IGBP1: variants seen among roughly 807,000 people sequenced by gnomAD.
IGBP1 encodes immunoglobulin-binding protein 1.
In IGBP1, 2 loss-of-function variants were observed where a neutral mutation model predicts 25.9. The ratio of observed to expected loss-of-function variants is 0.08; its 90% CI spans 0.03 to 0.24. IGBP1 has a LOEUF of 0.24. IGBP1 is among the 10% of genes least tolerant of loss of function. IGBP1 has a pLI of 1.00. For missense variants in IGBP1, 187 were observed against 260.4 expected, an observed-to-expected ratio of 0.72 and a Z score of 1.94; for synonymous variants, 96 against 93.4, an observed-to-expected ratio of 1.03 and a Z score of -0.16.
In IGBP1 at chrX:70,148,799, A is replaced by C; in HGVS notation, c.717A>C (p.Pro239=). 1 of 1,206,650 alleles carries C rather than the reference A, an allele frequency of 8.3e-7. No homozygotes were observed. Among genetic ancestry groups the C allele is most frequent in the Non-Finnish European group, 1.1e-6 (1 of 890,592 alleles). ...ACTCATCTCGCCAGGAGAGGCCTCC[A>C]GTGAAACCCTTCATTCTCACTCGGA... The part of the protein sequence containing the change: ...TSNSSRQERP[P]VKPFILTRNM... The change falls in exon 5 of 7, where the codon CCA becomes CCC. Residue 239 remains proline, a synonymous_variant. Coordinates refer to ENST00000356413, the MANE Select transcript of IGBP1 (RefSeq NM_001551.3).
At chrX:70,142,633 C>T (rs1268224140) in intron 3 of IGBP1, among the ~76,000 whole-genome samples, 4 of 109,386 alleles carry the variant, frequency 3.7e-5, no homozygotes, top group African/African-American at 1.0e-4. Context: ...GCCTGGGCAA[C>T]GTAGTGAGAC....
chrX:70,150,616 A>T (rs948477134), intron 6 of IGBP1, among the ~76,000 whole-genome samples: 1 of 112,099 alleles, frequency 8.9e-6, no homozygotes, highest in Non-Finnish European at 1.9e-5. Flanking sequence ...GTAATGGCAG[A>T]GTAGGTTGTA....
Position 70,146,500 on chromosome X carries a change from A to G in IGBP1, c.483-133A>G, listed in dbSNP as rs2085167346. ...TGGCTAATTCTGGGGTATAGAATCT[A>G]TATCCCTGCCAAGGTGGAAATTGGT... On this transcript the variant is annotated intron_variant, in intron 3 of 6. Transcript: ENST00000356413. 4 of 537,559 alleles carry G rather than the reference A, an allele frequency of 7.4e-6. No homozygotes were observed. In the Admixed American group the frequency reaches 1.1e-4, roughly 15 times the overall value. 44.3% of individuals were successfully genotyped at this position (537,559 alleles called of 1,213,427 possible).
chrX:70,151,658 G>T (rs776898569), intron 6 of IGBP1, among the ~76,000 whole-genome samples: 1 of 111,173 alleles, frequency 9.0e-6, no homozygotes, highest in Non-Finnish European at 1.9e-5. Flanking sequence ...CAGGCGGATT[G>T]CTTGAGCTCA....
At chrX:70,137,982 A>AG (rs1459105624) in intron 3 of IGBP1, among the ~76,000 whole-genome samples, 3 of 107,712 alleles carry the variant, frequency 2.8e-5, no homozygotes, top group Non-Finnish European at 5.8e-5. Context: ...AAAAAAAAAA[A>AG]AAAATTATCC....
chrX:70,150,874 A>T (rs1181084210), intron 6 of IGBP1, among the ~76,000 whole-genome samples: 5 of 111,922 alleles, frequency 4.5e-5, no homozygotes, highest in African/African-American at 1.6e-4. Context: ...GGGAAGATGA[A>T]GAGGGTGGCC....
intron 6 of IGBP1, among the ~76,000 whole-genome samples, chrX:70,154,863 C>T (rs2085229574): frequency 9.1e-6 from 1 of 109,763 alleles, no homozygotes; most frequent in Non-Finnish European, 1.9e-5. Flanking sequence ...TGCCCCTGCA[C>T]TCCAGCCTGC....
chrX:70,156,455 C>T (rs2085241388), intron 6 of IGBP1, among the ~76,000 whole-genome samples: 1 of 111,635 alleles, frequency 9.0e-6, no homozygotes, highest in Non-Finnish European at 1.9e-5. Context: ...ATTGAAATCA[C>T]ACTGAATATG....
At chrX:70,146,595 A>G in intron 3 of IGBP1, 38 bp from the exon 4 acceptor site, 1 of 1,133,650 alleles carries the variant, frequency 8.8e-7, no homozygotes, top group East Asian at 3.0e-5. Context: ...ATACCTCTTC[A>G]TTTGTAAGTT....
intron 6 of IGBP1, among the ~76,000 whole-genome samples, chrX:70,156,652 G>A (rs749457462): frequency 8.9e-6 from 1 of 112,352 alleles, no homozygotes; most frequent in Non-Finnish European, 1.9e-5. Context: ...GGTGACTATC[G>A]TTAATGGCTG....
At chrX:70,145,019 A>C (rs778266467) in intron 3 of IGBP1, among the ~76,000 whole-genome samples, 1 of 107,996 alleles carries the variant, frequency 9.3e-6, no homozygotes, top group African/African-American at 3.4e-5. Flanking sequence ...TAAAATCTAT[A>C]AAAATTTCTC....
chrX:70,147,904 A>G (rs1160673847), intron 4 of IGBP1, among the ~76,000 whole-genome samples: 3 of 112,206 alleles, frequency 2.7e-5, no homozygotes, highest in Non-Finnish European at 5.6e-5. Context: ...TCAGGATAAC[A>G]TCAACCTAGT....
chrX:70,140,605 T>A (rs1268470895), intron 3 of IGBP1, among the ~76,000 whole-genome samples: 9 of 112,023 alleles, frequency 8.0e-5, no homozygotes, highest in Admixed American at 4.7e-4. Context: ...TTTCCAGAAG[T>A]CCCCCAACCC....
intron 6 of IGBP1, chrX:70,163,732 G>A (rs2085282674): frequency 1.8e-5 from 2 of 111,003 alleles, no homozygotes; most frequent in Admixed American, 1.9e-4. Flanking sequence ...TCAAGCCTCT[G>A]TATTCAGCTG....
intron 3 of IGBP1, among the ~76,000 whole-genome samples, chrX:70,138,237 T>C (rs936505544): frequency 2.7e-5 from 3 of 111,207 alleles, no homozygotes; most frequent in Non-Finnish European, 5.7e-5. Context: ...TCCCAACTCT[T>C]TGGGAGGCCA....
chrX:70,134,643 G>T lies in IGBP1; in HGVS notation c.309G>T (p.Gln103His), dbSNP rs138059286. The T allele has an allele frequency of 3.4e-5, 41 of 1,210,617 alleles. No homozygotes were observed. In the African/African-American group the frequency reaches 6.1e-4, roughly 18 times the overall value. Reference protein sequence around the residue: ...VNPSKRLDHLQRAREHFINYL... With the variant: ...VNPSKRLDHLHRAREHFINYL... ...CCAGCAAGCGTCTAGATCATTTGCA[G>T]CGGGCTCGAGAACACTTTATAAACT... The change falls in exon 3 of 7, where the codon CAG (glutamine) becomes CAT (histidine). Residue 103 changes from glutamine to histidine, a missense_variant. Gln to His is a conservative substitution (Grantham distance 24). Coordinates refer to ENST00000356413, the MANE Select transcript of IGBP1 (RefSeq NM_001551.3).
chrX:70,133,879 C>G lies in IGBP1; in HGVS notation c.-69C>G. 9.7e-7 allele frequency: 1 copy of G among 1,027,530 alleles called. No individual in the cohort carries two copies. The highest frequency in any genetic ancestry group is 1.3e-6 in the Non-Finnish European group (1 of 741,506). 84.7% of individuals were successfully genotyped at this position (1,027,530 alleles called of 1,213,427 possible). ...TTCTTCCGGTTTTGTCCGCGCTCGC[C>G]TAATTCTTCTTTATCAAGGTTGCCT... On this transcript the variant is annotated 5_prime_UTR_variant, in exon 2 of 7. Transcript: ENST00000356413.
intron 3 of IGBP1, among the ~76,000 whole-genome samples, chrX:70,143,876 A>G: frequency 8.9e-6 from 1 of 112,733 alleles, no homozygotes. Context: ...CAAATGAACA[A>G]GTGTTGAGTT....
intron 3 of IGBP1, 28 bp downstream of exon 3, chrX:70,134,844 T>C: frequency 8.5e-7 from 1 of 1,175,815 alleles, no homozygotes; most frequent in Non-Finnish European, 1.2e-6. Flanking sequence ...ATATGAGGCC[T>C]GCCCAATGGC....
Sources: allele counts gnomAD v4.1 joint callset (sites outside exome capture counted in the v4.1 genomes callset), GRCh38; gene constraint gnomAD v4.1.1; transcripts MANE v1.5; gene names NCBI Gene and HGNC (gene_info 2026-07-23, HGNC 2026-07-21).